ATRNL1: variants seen among roughly 807,000 people sequenced by gnomAD.
The protein encoded by ATRNL1 is attractin like 1, also known as attractin-like protein 1.
A neutral mutation model predicts 182.7 loss-of-function variants in ATRNL1; 95 were observed. The observed-to-expected ratio is 0.52, with a 90% CI of 0.44 to 0.62. The LOEUF is 0.62. ATRNL1 is among the 20% of genes least tolerant of loss of function. The probability of loss-of-function intolerance (pLI) is 0.00; values close to 1 mark genes in which losing one functional copy is unlikely to be tolerated. For missense variants in ATRNL1, 1,471 were observed against 1,679.5 expected, an observed-to-expected ratio of 0.88 and a Z score of 2.17; for synonymous variants, 576 against 568.3, an observed-to-expected ratio of 1.01 and a Z score of -0.19.
chr10:115,375,891 A>G (rs1305526690), intron 19 of ATRNL1, among the ~76,000 whole-genome samples: 1 of 152,076 alleles, frequency 6.6e-6, no homozygotes, highest in African/African-American at 2.4e-5. Flanking sequence ...GTATTACTGT[A>G]TTCTGAATTT....
intron 20 of ATRNL1, among the ~76,000 whole-genome samples, chr10:115,413,181 A>T (rs1489637140): frequency 6.6e-6 from 1 of 152,084 alleles, no homozygotes; most frequent in Non-Finnish European, 1.5e-5. Context: ...TTGGGATTTC[A>T]TCTGTTTTAT....
At chr10:115,533,178 T>C (rs1554988968) in intron 25 of ATRNL1, among the ~76,000 whole-genome samples, 1 of 151,894 alleles carries the variant, frequency 6.6e-6, no homozygotes, top group Non-Finnish European at 1.5e-5. Flanking sequence ...GAAGGAATGG[T>C]ACCAGTTCCT....
chr10:115,223,704 G>T (rs894128873), intron 9 of ATRNL1, among the ~76,000 whole-genome samples: 1 of 151,098 alleles, frequency 6.6e-6, no homozygotes, highest in Non-Finnish European at 1.5e-5. Context: ...GAACTTTCCC[G>T]GAATTTACTA....
chr10:115,173,613 T>G (rs1847377724), intron 8 of ATRNL1, among the ~76,000 whole-genome samples: 2 of 151,962 alleles, frequency 1.3e-5, no homozygotes, highest in Admixed American at 1.3e-4. Flanking sequence ...CCTTATATAT[T>G]CTGGAATTTA....
intron 25 of ATRNL1, among the ~76,000 whole-genome samples, chr10:115,537,218 G>A (rs1852083824): frequency 6.6e-6 from 1 of 152,138 alleles, no homozygotes; most frequent in Non-Finnish European, 1.5e-5. Context: ...TTAAACCAGT[G>A]CTCCCCATCT....
chr10:115,257,529 C>T lies in ATRNL1; in HGVS notation c.1688-7664C>T, dbSNP rs140173806. ...TTTTGAGCCTATGTGCATCTTTGCA[C>T]GTGAGATGTGTCTCCTGAATACAGC... On this transcript the variant is annotated intron_variant, in intron 10 of 28. Coordinates refer to ENST00000355044, the MANE Select transcript of ATRNL1 (RefSeq NM_207303.4). 1.2e-3 allele frequency among the ~76,000 whole-genome samples: 185 copies of T among 152,236 alleles called. 2 individuals are homozygous for T. The East Asian group carries it at 0.034, about 28-fold the overall frequency.
chr10:115,445,540 T>C (rs184009198), intron 21 of ATRNL1, among the ~76,000 whole-genome samples: 1 of 150,480 alleles, frequency 6.6e-6, no homozygotes, highest in East Asian at 1.9e-4. Flanking sequence ...TGTGTGTGTG[T>C]GTGTGTGTGT....
chr10:115,363,652 G>A (rs1464749177), intron 19 of ATRNL1, among the ~76,000 whole-genome samples: 1 of 151,976 alleles, frequency 6.6e-6, no homozygotes, highest in Non-Finnish European at 1.5e-5. Flanking sequence ...ATGGTTTTAG[G>A]TCTAACGTTT....
intron 26 of ATRNL1, among the ~76,000 whole-genome samples, chr10:115,578,887 C>G (rs1203718717): frequency 6.6e-6 from 1 of 151,548 alleles, no homozygotes; most frequent in Non-Finnish European, 1.5e-5. Context: ...ATTGCTTTTG[C>G]TGCATCCTAT....
At chr10:115,200,839 C>T (rs1210255399) in intron 8 of ATRNL1, among the ~76,000 whole-genome samples, 5 of 147,570 alleles carry the variant, frequency 3.4e-5, no homozygotes, top group Admixed American at 1.4e-4. Context: ...TTTACAGTCC[C>T]ACCAACAGTG....
chr10:115,249,812 T>C (rs1456903475), intron 10 of ATRNL1, among the ~76,000 whole-genome samples: 1 of 152,180 alleles, frequency 6.6e-6, no homozygotes, highest in Non-Finnish European at 1.5e-5. Context: ...TTGTTTGGCC[T>C]TGAACTGTTT....
intron 9 of ATRNL1, among the ~76,000 whole-genome samples, chr10:115,223,079 A>G (rs1432378855): frequency 2.0e-5 from 3 of 152,182 alleles, no homozygotes; most frequent in Admixed American, 6.5e-5. Flanking sequence ...CAGGGGTTCA[A>G]TACCAGCCTG....
chr10:115,533,544 A>C (rs1449671585), intron 25 of ATRNL1, among the ~76,000 whole-genome samples: 1 of 151,990 alleles, frequency 6.6e-6, no homozygotes, highest in African/African-American at 2.4e-5. Flanking sequence ...TGATCCTTTC[A>C]AAAAACCAGC....
intron 28 of ATRNL1, among the ~76,000 whole-genome samples, chr10:115,881,947 A>G (rs12268922): frequency 0.02 from 3,055 of 152,246 alleles, 102 homozygotes; most frequent in African/African-American, 0.068. Flanking sequence ...CCCTAAATGC[A>G]TACCACCTAT....
chr10:115,572,454 C>T (rs1283639687), intron 26 of ATRNL1, among the ~76,000 whole-genome samples: 2 of 152,142 alleles, frequency 1.3e-5, no homozygotes, highest in African/African-American at 4.8e-5. Context: ...GACTAATTCT[C>T]ACTCTACAAT....
intron 28 of ATRNL1, among the ~76,000 whole-genome samples, chr10:115,865,727 G>A (rs1283263149): frequency 6.6e-6 from 1 of 152,078 alleles, no homozygotes; most frequent in Non-Finnish European, 1.5e-5. Context: ...TGATTTTAGA[G>A]CCAGGTCTGT....
intron 20 of ATRNL1, among the ~76,000 whole-genome samples, chr10:115,410,599 A>G (rs1554959674): frequency 2.6e-5 from 4 of 152,036 alleles, no homozygotes; most frequent in Non-Finnish European, 5.9e-5. Flanking sequence ...GATTACAGGC[A>G]TGAGCCACCG....
intron 18 of ATRNL1, among the ~76,000 whole-genome samples, chr10:115,330,048 G>C (rs1447677091): frequency 1.3e-5 from 2 of 151,828 alleles, no homozygotes; most frequent in Non-Finnish European, 1.5e-5. Context: ...TATATTGTAG[G>C]CTTTTGTTTT....
intron 26 of ATRNL1, among the ~76,000 whole-genome samples, chr10:115,723,167 A>G (rs1447663353): frequency 1.3e-5 from 2 of 152,346 alleles, no homozygotes; most frequent in East Asian, 3.9e-4. Context: ...AATATCACAA[A>G]TAATTCATAG....
Sources: gnomAD v4.1 joint callset for allele counts (sites outside exome capture counted in the v4.1 genomes callset) on GRCh38, gnomAD v4.1.1 for gene constraint, MANE v1.5 for transcripts, NCBI Gene and HGNC (gene_info 2026-07-23, HGNC 2026-07-21) for gene names.